Variants in IQSEC1 observed in about 807,000 individuals in gnomAD.
IQSEC1 encodes the protein IQ motif and Sec7 domain ArfGEF 1.
IQSEC1 carries 31 observed loss-of-function variants against 91.0 expected under a neutral mutation model. The ratio of observed to expected loss-of-function variants is 0.34; its 90% confidence interval spans 0.26 to 0.46. The LOEUF (loss-of-function observed/expected upper bound fraction) is 0.46, where lower values mean the gene tolerates loss of function less well. Among genes scored for constraint, IQSEC1 ranks in the 20% least tolerant of loss-of-function variants. The pLI is 1.00. For missense variants in IQSEC1, 1,388 were observed against 1,575.6 expected (o/e 0.88, Z 2.02); for synonymous variants, 699 against 662.6 (o/e 1.05, Z -0.84).
At chr3:13,177,371 A>T (rs2125011709) in intron 1 of IQSEC1, among the ~76,000 whole-genome samples, 1 of 152,332 alleles carries the variant, frequency 6.6e-6, no homozygotes, top group East Asian at 1.9e-4. Context: ...GGTAGAGAGA[A>T]AAGCAATGGC....
At chr3:13,024,854 T>G (rs551210318) in intron 1 of IQSEC1, among the ~76,000 whole-genome samples, 2 of 152,292 alleles carry the variant, frequency 1.3e-5, no homozygotes, top group Non-Finnish European at 1.5e-5. Flanking sequence ...CATCTTTGAC[T>G]CCTTTGTCCC....
chr3:12,924,607 C>T lies in IQSEC1; in HGVS notation c.1704G>A (p.Gln568=), dbSNP rs1270010183. Residue 568 remains glutamine, a synonymous_variant, in exon 4 of 14, where the codon CAG becomes CAA. Coordinates refer to ENST00000613206, the MANE Select transcript of IQSEC1 (RefSeq NM_001134382.3). This position sits in a 1 kb window ranked among gnomAD's most constrained non-coding sequence, Gnocchi z 6.3. ...CGAGCACGTCACGGTTGAACTGCTT[C>T]TGCCGGTTGCCCAGGAACTCGCCGA... ...QMIGEFLGNR[Q]KQFNRDVLDC... is the part of the protein sequence containing the mutation. 1.9e-6 allele frequency: 3 copies of T among 1,608,830 alleles called. No individual in the cohort carries two copies. The highest frequency in any genetic ancestry group is 2.5e-6 in the Non-Finnish European group (3 of 1,176,990).
At chr3:13,066,724 G>T (rs552308209) in intron 1 of IQSEC1, among the ~76,000 whole-genome samples, 1 of 152,216 alleles carries the variant, frequency 6.6e-6, no homozygotes, top group Non-Finnish European at 1.5e-5. Context: ...CTTCCCAGCT[G>T]TATCCAGGAG....
intron 2 of IQSEC1, among the ~76,000 whole-genome samples, chr3:13,079,120 G>C (rs1465239469): frequency 2.0e-5 from 3 of 152,238 alleles, no homozygotes; most frequent in Non-Finnish European, 4.4e-5. Flanking sequence ...AGACAGGATA[G>C]GTGCAGAGCA....
chr3:12,919,657 A>C (rs931731340), intron 6 of IQSEC1, among the ~76,000 whole-genome samples: 1 of 152,214 alleles, frequency 6.6e-6, no homozygotes, highest in African/African-American at 2.4e-5. Context: ...AAATAGTGAC[A>C]ACCTTTCCAA....
chr3:12,998,929 A>G (rs960109236), intron 1 of IQSEC1, among the ~76,000 whole-genome samples: 1 of 152,056 alleles, frequency 6.6e-6, no homozygotes, highest in African/African-American at 2.4e-5. Context: ...TTGTTTCCCA[A>G]CATGAAGCTT....
rs192568579 is a variant in IQSEC1 at position 13,157,942 on chromosome 3, C to T, written c.302+6162G>A. Among the ~76,000 whole-genome samples, 3 of 152,314 alleles carry T rather than the reference C, an allele frequency of 2.0e-5. No homozygotes were observed. In the East Asian group the frequency reaches 5.8e-4, roughly 29 times the overall value. On this transcript the variant is annotated intron_variant, in intron 2 of 15. Coordinates refer to the IQSEC1 transcript ENST00000648114. ...TAACTGTATCTCATTGGTCTTCACA[C>T]CCTTAGTAGTTAGCACAAAGACACA...
intron 3 of IQSEC1, among the ~76,000 whole-genome samples, chr3:12,926,345 G>A (rs1697133978): frequency 6.6e-6 from 1 of 152,210 alleles, no homozygotes; most frequent in Admixed American, 6.5e-5. Flanking sequence ...ACAGGCTGGT[G>A]TGAGAGGGCT....
intron 2 of IQSEC1, among the ~76,000 whole-genome samples, chr3:13,126,181 TCAAA>T (rs34125314): frequency 0.51 from 77,012 of 151,568 alleles, 19,988 homozygotes; most frequent in Admixed American, 0.59. Flanking sequence ...ATCCATGCCC[TCAAA>T]CATTCTCTCA....
chr3:12,973,317 C>T lies in IQSEC1; in HGVS notation c.24-31452G>A, dbSNP rs970300182. Reference sequence around the variant, plus strand: ...CCTTTGCTTATCCTGTTTCCACGTCCTGGGTTGTTGCTTCATTTGATTGGC... The same window carrying T: ...CCTTTGCTTATCCTGTTTCCACGTCTTGGGTTGTTGCTTCATTTGATTGGC... On this transcript the variant is annotated intron_variant, in intron 1 of 13. Transcript: ENST00000613206. Among the ~76,000 whole-genome samples the T allele has an allele frequency of 2.0e-5, 3 of 152,188 alleles. No homozygotes were observed. The East Asian group carries it at 5.8e-4, about 29-fold the overall frequency.
chr3:13,176,212 C>G lies in IQSEC1; in HGVS notation c.273-12079G>C, dbSNP rs560718928. 1.8e-4 allele frequency among the ~76,000 whole-genome samples: 27 copies of G among 152,348 alleles called. No individual in the cohort carries two copies. The South Asian group carries it at 5.6e-3, about 32-fold the overall frequency. On this transcript the variant is annotated intron_variant, in intron 1 of 15. Coordinates refer to the IQSEC1 transcript ENST00000648114. ...CAGAAGCAGATCCCCCGACTCCAGT[C>G]AAGTCTTCAGATGACTATAGCCCCC...
intron 1 of IQSEC1, chr3:13,022,430 G>C: frequency 9.6e-7 from 1 of 1,044,374 alleles, no homozygotes; most frequent in Non-Finnish European, 1.2e-6. Flanking sequence ...CCTGCCTCCT[G>C]CCAGGAGACA....
At chr3:13,135,909 A>G (rs1706700596) in intron 2 of IQSEC1, among the ~76,000 whole-genome samples, 1 of 152,344 alleles carries the variant, frequency 6.6e-6, no homozygotes, top group South Asian at 2.1e-4. Flanking sequence ...CGTGCCTAGC[A>G]TCGTGGACAT....
chr3:13,266,863 T>C (rs1216015097), intron 1 of IQSEC1, among the ~76,000 whole-genome samples: 1 of 152,070 alleles, frequency 6.6e-6, no homozygotes, highest in Non-Finnish European at 1.5e-5. Context: ...AACGGGGTGC[T>C]CCAGGGGCAC....
Position 12,967,714 on chromosome 3 carries a change from G to A in IQSEC1, c.24-25849C>T, listed in dbSNP as rs1389316195. On this transcript the variant is annotated intron_variant, in intron 1 of 13. Coordinates refer to ENST00000613206, the MANE Select transcript of IQSEC1 (RefSeq NM_001134382.3). The surrounding 1 kb of genome is among the most constrained non-coding windows in gnomAD (Gnocchi z 5.9). Reference sequence around the variant, plus strand: ...GGCGCAGCGCGAGGCCGGGCCGGAGGAATGTGGCCCTGAAGTGGGCGGGGC... The same window carrying A: ...GGCGCAGCGCGAGGCCGGGCCGGAGAAATGTGGCCCTGAAGTGGGCGGGGC... 6 of 1,117,410 alleles carry A rather than the reference G, an allele frequency of 5.4e-6. No homozygotes were observed. The African/African-American group carries it at 9.9e-5, about 18-fold the overall frequency. The allele number at this position is 1,117,410 out of a possible 1,614,324, so 69.2% of individuals were successfully genotyped here.
At chr3:12,920,366 A>G (rs1696507948) in intron 6 of IQSEC1, 64 bp downstream of exon 6, 1 of 1,545,546 alleles carries the variant, frequency 6.5e-7, no homozygotes, top group African/African-American at 1.4e-5. Flanking sequence ...ACATCTGGGG[A>G]GGGCCTGGCT....
intron 12 of IQSEC1, 105 bp from the exon 13 acceptor site, chr3:12,902,927 G>T: frequency 4.6e-6 from 4 of 869,628 alleles, no homozygotes; most frequent in Non-Finnish European, 7.7e-6. Context: ...CCTGCTGGGA[G>T]CAGGCACAGG....
In IQSEC1 at chr3:12,922,080, T is replaced by C; in HGVS notation, c.1853+40A>G. Reference sequence around the variant, plus strand: ...GGGCCCTGAAGCTGGGGGACACCATTCTTCCCTGATGCAGCAGCCCCAGCC... The same window carrying C: ...GGGCCCTGAAGCTGGGGGACACCATCCTTCCCTGATGCAGCAGCCCCAGCC... On this transcript the variant is annotated intron_variant, in intron 5 of 13. Transcript: ENST00000613206. The surrounding 1 kb of genome is among the most constrained non-coding windows in gnomAD (Gnocchi z 5.1). The C allele has an allele frequency of 6.5e-7, 1 of 1,536,430 alleles. No individual in the cohort carries two copies. Among genetic ancestry groups the C allele is most frequent in the Non-Finnish European group, 8.8e-7 (1 of 1,133,832 alleles).
At chr3:13,225,275 C>T (rs970402431) in intron 1 of IQSEC1, among the ~76,000 whole-genome samples, 10 of 152,180 alleles carry the variant, frequency 6.6e-5, no homozygotes, top group African/African-American at 2.4e-5. Flanking sequence ...GTTTTATAGC[C>T]CCATGGTGCC....
Sources: gnomAD v4.1 joint callset for allele counts (sites outside exome capture counted in the v4.1 genomes callset) on GRCh38, gnomAD v4.1.1 for gene constraint, Gnocchi (gnomAD v3.1) non-coding constraint, MANE v1.5 for transcripts, NCBI Gene and HGNC (gene_info 2026-07-23, HGNC 2026-07-21) for gene names.